The following SGCZ variants were observed in gnomAD, a reference collection of about 807,000 sequenced individuals.
The protein encoded by SGCZ is zeta-sarcoglycan.
SGCZ carries 40 observed loss-of-function variants against 41.3 expected under a neutral mutation model. That is an observed-to-expected ratio of 0.97 (90% CI 0.75 to 1.26). The LOEUF (loss-of-function observed/expected upper bound fraction) is 1.26, where lower values mean the gene tolerates loss of function less well. SGCZ is among the 50% of genes most tolerant of loss of function. The probability of loss-of-function intolerance (pLI) is 0.00; values close to 1 mark genes in which losing one functional copy is unlikely to be tolerated. For missense variants in SGCZ, 552 were observed against 369.8 expected (o/e 1.49, Z -4.04); for synonymous variants, 206 against 137.5 (o/e 1.50, Z -3.49).
chr8:14,436,294 T>C (rs1800089406), intron 2 of SGCZ, among the ~76,000 whole-genome samples: 1 of 152,160 alleles, frequency 6.6e-6, no homozygotes, highest in South Asian at 2.1e-4. Context: ...GACAGATCTG[T>C]AAGAGCGAAG....
rs377480344 is a variant in SGCZ at position 14,557,091 on chromosome 8, G to A, written c.40-2165C>T. 5.9e-5 allele frequency among the ~76,000 whole-genome samples: 9 copies of A among 151,964 alleles called. No individual in the cohort carries two copies. The East Asian group carries it at 1.7e-3, about 30-fold the overall frequency. On this transcript the variant is annotated intron_variant, in intron 1 of 7. Transcript: ENST00000382080. The stretch of plus-strand genomic sequence containing the variant: ...CCTTTTTCACTGCATCTACACCAAT[G>A]CCTATTACTTTTTGATTTTTTGATT...
chr8:14,225,780 A>G (rs777266828), intron 4 of SGCZ, among the ~76,000 whole-genome samples: 1 of 152,120 alleles, frequency 6.6e-6, no homozygotes, highest in Non-Finnish European at 1.5e-5. Context: ...TTATTTGGAA[A>G]TAATTTTATC....
At chr8:14,691,115 T>C (rs1486322558) in intron 1 of SGCZ, among the ~76,000 whole-genome samples, 1 of 152,174 alleles carries the variant, frequency 6.6e-6, no homozygotes, top group Non-Finnish European at 1.5e-5. Flanking sequence ...ATTGTCTGTC[T>C]CTCCACTTAA....
intron 1 of SGCZ, among the ~76,000 whole-genome samples, chr8:14,733,508 G>C (rs1798934547): frequency 6.6e-6 from 1 of 152,080 alleles, no homozygotes; most frequent in Non-Finnish European, 1.5e-5. Context: ...ACAAATTTCA[G>C]TTACCCTTTA....
At chr8:14,135,916 G>A (rs1803183010) in intron 5 of SGCZ, among the ~76,000 whole-genome samples, 1 of 151,960 alleles carries the variant, frequency 6.6e-6, no homozygotes, top group African/African-American at 2.4e-5. Context: ...AAAGGAGTTA[G>A]CACCAATTTT....
At chr8:15,126,154 A>AAAAC (rs747602142) in intron 1 of SGCZ, among the ~76,000 whole-genome samples, 2 of 152,220 alleles carry the variant, frequency 1.3e-5, no homozygotes, top group East Asian at 1.9e-4. Flanking sequence ...TCAAAAAAGC[A>AAAAC]AAACAAACAA....
chr8:14,988,584 C>A (rs1171052514), intron 1 of SGCZ, among the ~76,000 whole-genome samples: 1 of 151,966 alleles, frequency 6.6e-6, no homozygotes, highest in African/African-American at 2.4e-5. Context: ...CATTTCTATG[C>A]AGCTGATGAA....
At chr8:14,102,532 A>G in intron 6 of SGCZ, 33 bp from the exon 7 acceptor site, 1 of 1,334,186 alleles carries the variant, frequency 7.5e-7, no homozygotes, top group South Asian at 2.3e-5. Flanking sequence ...TTAATAGGAA[A>G]AAAAAACACA....
At chr8:14,155,875 A>T (rs368090573) in intron 5 of SGCZ, among the ~76,000 whole-genome samples, 1 of 152,194 alleles carries the variant, frequency 6.6e-6, no homozygotes, top group South Asian at 2.1e-4. Flanking sequence ...GGTATAGCCT[A>T]CTGCTCCTAA....
chr8:14,773,735 G>A (rs868301852), intron 1 of SGCZ, among the ~76,000 whole-genome samples: 9 of 152,122 alleles, frequency 5.9e-5, no homozygotes, highest in Admixed American at 3.3e-4. Flanking sequence ...GATATGGTGA[G>A]GGGCCTCCTT....
intron 2 of SGCZ, among the ~76,000 whole-genome samples, chr8:14,385,520 C>T (rs1352926332): frequency 1.3e-5 from 2 of 152,062 alleles, no homozygotes; most frequent in African/African-American, 4.8e-5. Flanking sequence ...CACCAAGCTG[C>T]CCAGGCTATC....
chr8:14,420,869 T>C (rs570469810), intron 2 of SGCZ, among the ~76,000 whole-genome samples: 1 of 152,272 alleles, frequency 6.6e-6, no homozygotes, highest in East Asian at 1.9e-4. Context: ...AATAAAGGAA[T>C]ACTTGCTTTA....
intron 1 of SGCZ, among the ~76,000 whole-genome samples, chr8:15,054,482 T>C (rs1383060484): frequency 7.0e-6 from 1 of 143,388 alleles, no homozygotes; most frequent in Non-Finnish European, 1.5e-5. Context: ...TGAGAAACAA[T>C]AGTTTCTACT....
intron 4 of SGCZ, among the ~76,000 whole-genome samples, chr8:14,206,942 G>C (rs1252536277): frequency 6.6e-6 from 1 of 152,116 alleles, no homozygotes; most frequent in Admixed American, 6.6e-5. Flanking sequence ...CAAGCACAAT[G>C]TCTAGAATGA....
chr8:14,252,066 G>A (rs1371491433), intron 3 of SGCZ, among the ~76,000 whole-genome samples: 1 of 151,898 alleles, frequency 6.6e-6, no homozygotes, highest in South Asian at 2.1e-4. Context: ...TCTTCAATAG[G>A]GCCTCTTCTT....
At chr8:14,458,165 A>C (rs1800803395) in intron 2 of SGCZ, among the ~76,000 whole-genome samples, 1 of 152,236 alleles carries the variant, frequency 6.6e-6, no homozygotes, top group Admixed American at 6.5e-5. Context: ...ACATACTTGA[A>C]AAATGAATAA....
chr8:14,309,227 G>T, intron 3 of SGCZ: 2 of 1,511,760 alleles, frequency 1.3e-6, no homozygotes, highest in Non-Finnish European at 1.8e-6. Context: ...TGATACTGTT[G>T]AAGACTTCTG....
At chr8:15,026,366 A>G (rs528408412) in intron 1 of SGCZ, among the ~76,000 whole-genome samples, 38 of 152,344 alleles carry the variant, frequency 2.5e-4, no homozygotes, top group Middle Eastern at 3.4e-3. Context: ...AACAGAAAAG[A>G]GTCCTAAATT....
intron 2 of SGCZ, among the ~76,000 whole-genome samples, chr8:14,344,353 T>A (rs1234068680): frequency 6.6e-6 from 1 of 151,850 alleles, no homozygotes; most frequent in African/African-American, 2.4e-5. Context: ...AAAAAAAAGC[T>A]ACACTATATA....
Sources: gnomAD v4.1 joint callset for allele counts (sites outside exome capture counted in the v4.1 genomes callset) on GRCh38, gnomAD v4.1.1 for gene constraint, MANE v1.5 for transcripts, NCBI Gene and HGNC (gene_info 2026-07-23, HGNC 2026-07-21) for gene names.